The following PCDHGA1 variants were observed in gnomAD, a reference collection of about 807,000 sequenced individuals.
PCDHGA1 encodes the protein protocadherin gamma subfamily A, 1.
In PCDHGA1, 32 loss-of-function variants were observed where a neutral mutation model predicts 58.0. That is an observed-to-expected ratio of 0.55 (90% CI 0.42 to 0.74). The LOEUF (loss-of-function observed/expected upper bound fraction) is 0.74, where lower values mean the gene tolerates loss of function less well. Among genes scored for constraint, PCDHGA1 ranks in the 30% least tolerant of loss-of-function variants. The probability of loss-of-function intolerance (pLI) is 0.00; values close to 1 mark genes in which losing one functional copy is unlikely to be tolerated. For synonymous variants in PCDHGA1, 498 were observed against 501.1 expected (o/e 0.99, Z 0.08); for missense variants, 1,205 against 1,182.3 (o/e 1.02, Z -0.28).
At chr5:141,504,203 A>G (rs2099836487) in intron 2 of PCDHGA1, among the ~76,000 whole-genome samples, 1 of 152,248 alleles carries the variant, frequency 6.6e-6, no homozygotes, top group Non-Finnish European at 1.5e-5. Context: ...TCACTGTGGG[A>G]AAATTCCAAG....
intron 1 of PCDHGA1, among the ~76,000 whole-genome samples, chr5:141,336,515 A>C (rs1166944780): frequency 6.6e-6 from 1 of 152,214 alleles, no homozygotes; most frequent in East Asian, 1.9e-4. Flanking sequence ...AAAATGAGAA[A>C]ATTTCAATAA....
intron 1 of PCDHGA1, chr5:141,442,382 T>C (rs1256682275): frequency 6.6e-6 from 1 of 152,290 alleles, no homozygotes; most frequent in East Asian, 1.9e-4. Flanking sequence ...CTACCAGGTG[T>C]GTGCTTCTCC....
At chr5:141,458,438 C>T (rs2098945825) in intron 1 of PCDHGA1, among the ~76,000 whole-genome samples, 1 of 152,024 alleles carries the variant, frequency 6.6e-6, no homozygotes, top group Non-Finnish European at 1.5e-5. Flanking sequence ...GAGGAGGTCC[C>T]CCACATTAAC....
chr5:141,336,040 GAAGT>G (rs1756597026), intron 1 of PCDHGA1, among the ~76,000 whole-genome samples: 2 of 152,006 alleles, frequency 1.3e-5, no homozygotes, highest in African/African-American at 4.8e-5. Context: ...TGCCATTCAA[GAAGT>G]AAGATAAAAA....
rs375363587 is a variant in PCDHGA1 at position 141,414,524 on chromosome 5, A to G, written c.2422-80283A>G. On this transcript the variant is annotated intron_variant, in intron 1 of 3. Coordinates refer to ENST00000517417, the MANE Select transcript of PCDHGA1 (RefSeq NM_018912.3). ...TTTATGCTACAAGTGGCAGATATCA[A>G]TGACAACCCACCTACCTTCTCTCAA... 105 of 1,613,844 alleles carry G rather than the reference A, an allele frequency of 6.5e-5. 1 individual carries two copies. In the South Asian group the frequency reaches 7.2e-4, roughly 11 times the overall value.
In PCDHGA1 at chr5:141,371,907, G is replaced by T. The variant is rs776309698; in HGVS notation, c.2421+38802G>T. 9.3e-6 allele frequency: 15 copies of T among 1,613,262 alleles called. No individual in the cohort carries two copies. The highest frequency in any genetic ancestry group is 1.2e-5 in the Non-Finnish European group (14 of 1,179,916). On this transcript the variant is annotated intron_variant, in intron 1 of 3. Coordinates refer to ENST00000517417, the MANE Select transcript of PCDHGA1 (RefSeq NM_018912.3). ...GGAGCCGCGGGAGCTGTCGTCCTAC[G>T]TGTCCGTGAGCGCGCGGAGCGGGGT... is the stretch of plus-strand genomic sequence containing the variant.
At chr5:141,404,328 T>G (rs1300173055) in intron 1 of PCDHGA1, 3 of 1,613,902 alleles carry the variant, frequency 1.9e-6, no homozygotes, top group Non-Finnish European at 2.5e-6. Flanking sequence ...TCCTACTCAG[T>G]CTACCTCCCG....
At chr5:141,425,381 A>C (rs1374877185) in intron 1 of PCDHGA1, among the ~76,000 whole-genome samples, 3 of 152,194 alleles carry the variant, frequency 2.0e-5, no homozygotes, top group African/African-American at 7.2e-5. Flanking sequence ...GTTGATTCGG[A>C]GGTAGTGATA....
In PCDHGA1 at chr5:141,490,537, T is replaced by C; in HGVS notation, c.2422-4270T>C. On this transcript the variant is annotated intron_variant, in intron 1 of 3. Transcript: ENST00000517417. This position sits in a 1 kb window ranked among gnomAD's most constrained non-coding sequence, Gnocchi z 5.4. ...GCTGGCCAGCGATGCTGGTTCACCT[T>C]CCCTACACAAACATCTCACCATCAG... is the stretch of plus-strand genomic sequence containing the variant. 1.9e-6 allele frequency: 3 copies of C among 1,614,180 alleles called. No homozygotes were observed. The highest frequency in any genetic ancestry group is 8.5e-7 in the Non-Finnish European group (1 of 1,180,028).
Position 141,487,564 on chromosome 5 carries a change from G to A in PCDHGA1, c.2422-7243G>A, listed in dbSNP as rs1436847912. ...AGTCACCCAGTGCACCTATGGCAGG[G>A]GAGCCTGTTCGCCCAAGCTGCCCAC... On this transcript the variant is annotated intron_variant, in intron 1 of 3. Coordinates refer to ENST00000517417, the MANE Select transcript of PCDHGA1 (RefSeq NM_018912.3). This position sits in a 1 kb window ranked among gnomAD's most constrained non-coding sequence, Gnocchi z 5.0. 3 of 1,614,178 alleles carry A rather than the reference G, an allele frequency of 1.9e-6. No homozygotes were observed. Among genetic ancestry groups the A allele is most frequent in the Non-Finnish European group, 2.5e-6 (3 of 1,180,040 alleles).
intron 1 of PCDHGA1, chr5:141,422,035 C>A: frequency 6.2e-7 from 1 of 1,611,086 alleles, no homozygotes; most frequent in South Asian, 1.1e-5. Flanking sequence ...TGCAACGGAT[C>A]CAGACGAGGG....
At chr5:141,507,121 G>A (rs940889204) in intron 3 of PCDHGA1, 1 of 152,126 alleles carries the variant, frequency 6.6e-6, no homozygotes, top group African/African-American at 2.4e-5. Flanking sequence ...GGCTGCCTTT[G>A]GATCCAGCCT....
At chr5:141,351,340 T>C in intron 1 of PCDHGA1, 1 of 1,613,562 alleles carries the variant, frequency 6.2e-7, no homozygotes, top group Non-Finnish European at 8.5e-7. Context: ...ACCTTGGAAC[T>C]GTAATAGCCC....
intron 1 of PCDHGA1, chr5:141,405,271 C>T: frequency 3.1e-6 from 5 of 1,614,094 alleles, no homozygotes; most frequent in Non-Finnish European, 4.2e-6. Flanking sequence ...TCCCCCAGCC[C>T]AACTATGCAG....
Position 141,485,486 on chromosome 5 carries a change from C to T in PCDHGA1, c.2422-9321C>T, listed in dbSNP as rs2099614522. 6 of 1,614,102 alleles carry T rather than the reference C, an allele frequency of 3.7e-6. No individual in the cohort carries two copies. The highest frequency in any genetic ancestry group is 2.2e-5 in the East Asian group (1 of 44,866). The stretch of plus-strand genomic sequence containing the variant: ...TGGGCTCAGTGCCAGCTGCATCGTG[C>T]CCCTGGAGTTTGTCACCGAAGGTCC... On this transcript the variant is annotated intron_variant, in intron 1 of 3. Coordinates refer to ENST00000517417, the MANE Select transcript of PCDHGA1 (RefSeq NM_018912.3). This position sits in a 1 kb window ranked among gnomAD's most constrained non-coding sequence, Gnocchi z 5.7.
At chr5:141,340,275 A>C in intron 1 of PCDHGA1, 2 of 1,614,144 alleles carry the variant, frequency 1.2e-6, no homozygotes, top group African/African-American at 2.7e-5. Context: ...CTGTCCACGG[A>C]TGCTCACATT....
At chr5:141,375,966 C>A (rs373365863) in intron 1 of PCDHGA1, 4 of 1,613,374 alleles carry the variant, frequency 2.5e-6, no homozygotes, top group Non-Finnish European at 2.5e-6. Context: ...GAGGTGCGCA[C>A]GGCGCGCGCC....
At chr5:141,376,509 T>C in intron 1 of PCDHGA1, 1 of 1,613,934 alleles carries the variant, frequency 6.2e-7, no homozygotes, top group Admixed American at 1.7e-5. Flanking sequence ...CAACTTCAGG[T>C]GAGTTTCTTT....
intron 1 of PCDHGA1, among the ~76,000 whole-genome samples, chr5:141,401,503 C>T (rs755118621): frequency 6.6e-6 from 1 of 151,946 alleles, no homozygotes; most frequent in Non-Finnish European, 1.5e-5. Context: ...AATCCTTTTC[C>T]ACCTCTATAT....
Sources: gnomAD v4.1 joint callset for allele counts (sites outside exome capture counted in the v4.1 genomes callset) on GRCh38, gnomAD v4.1.1 for gene constraint, Gnocchi (gnomAD v3.1) non-coding constraint, MANE v1.5 for transcripts, NCBI Gene and HGNC (gene_info 2026-07-23, HGNC 2026-07-21) for gene names.